The following PKD1L3 variants were observed in gnomAD, a reference collection of about 807,000 sequenced individuals.
PKD1L3 encodes polycystin 1 like 3, transient receptor potential channel interacting.
Under a neutral mutation model 184.1 loss-of-function variants are expected in PKD1L3, and 239 were observed. The ratio of observed to expected loss-of-function variants is 1.30; its 90% confidence interval spans 1.17 to 1.45. The LOEUF is 1.45. Ranked by LOEUF, PKD1L3 falls within the 40% of genes most tolerant of loss-of-function variation. The pLI, the probability that PKD1L3 is intolerant of heterozygous loss-of-function variation, is 0.00. For synonymous variants in PKD1L3, 996 were observed against 778.8 expected, an observed-to-expected ratio of 1.28 and a Z score of -4.64; for missense variants, 2,660 against 2,067.2, an observed-to-expected ratio of 1.29 and a Z score of -5.56.
At chr16:71,947,404 G>C in intron 22 of PKD1L3, 88 bp downstream of exon 22, 2 of 840,302 alleles carry the variant, frequency 2.4e-6, no homozygotes, top group Non-Finnish European at 1.9e-6. Flanking sequence ...CAAGTCCTTT[G>C]AATGGGTTAA....
At position 71,973,402 on chromosome 16, in the gene PKD1L3, C is replaced by T. The variant is rs1567531325; in HGVS notation, c.1875G>A (p.Leu625=). The T allele has an allele frequency of 6.4e-7, 1 of 1,551,658 alleles. No homozygotes were observed. The highest frequency in any genetic ancestry group is 1.4e-5 in the African/African-American group (1 of 73,146). Residue 625 remains leucine, a synonymous_variant, in exon 12 of 30, where the codon TTG becomes TTA. Transcript: ENST00000620267. ...RQEGAQQTPS[L]VSVITAVTQC... is the part of the protein sequence containing the mutation. ...GAGTGACGGCGGTGATGACCGAGAC[C>T]AAGCTGGGTGTCTGCTGAGCACCCT...
At chr16:71,980,587 A>C (rs1472566950) in intron 7 of PKD1L3, among the ~76,000 whole-genome samples, 3 of 152,068 alleles carry the variant, frequency 2.0e-5, no homozygotes, top group East Asian at 3.9e-4. Context: ...TAATCCCAAC[A>C]CTTTGGGAGG....
intron 12 of PKD1L3, among the ~76,000 whole-genome samples, chr16:71,972,720 A>G (rs1433291908): frequency 6.6e-6 from 1 of 152,152 alleles, no homozygotes; most frequent in Non-Finnish European, 1.5e-5. Flanking sequence ...TCTCTTTCCA[A>G]TCTAGATGGC....
At chr16:71,978,784 C>G (rs915291229) in intron 9 of PKD1L3, among the ~76,000 whole-genome samples, 2 of 151,994 alleles carry the variant, frequency 1.3e-5, no homozygotes, top group African/African-American at 4.8e-5. Flanking sequence ...AAGTAATCCA[C>G]CTGCCTCAGC....
chr16:71,947,254 T>C (rs999921110), intron 22 of PKD1L3, among the ~76,000 whole-genome samples: 3 of 151,814 alleles, frequency 2.0e-5, no homozygotes, highest in African/African-American at 7.3e-5. Context: ...TGAAACTCCG[T>C]CTCAAAAAAA....
intron 29 of PKD1L3, 187 bp from the exon 30 acceptor site, chr16:71,929,865 C>A: frequency 1.0e-6 from 1 of 965,756 alleles, no homozygotes; most frequent in Non-Finnish European, 1.5e-6. Context: ...AGGACAATGG[C>A]TATAGAATAT....
At chr16:71,932,453 T>G (rs1038603126) in intron 28 of PKD1L3, among the ~76,000 whole-genome samples, 1 of 152,106 alleles carries the variant, frequency 6.6e-6, no homozygotes, top group East Asian at 1.9e-4. Flanking sequence ...AACTGTACCT[T>G]CCTAATTCTT....
intron 13 of PKD1L3, among the ~76,000 whole-genome samples, chr16:71,968,715 C>T (rs915554618): frequency 6.6e-6 from 1 of 152,030 alleles, no homozygotes; most frequent in Non-Finnish European, 1.5e-5. Flanking sequence ...CCCACCTCAG[C>T]CTCCTGAGTA....
At chr16:71,936,105 A>G (rs1463527521) in intron 25 of PKD1L3, among the ~76,000 whole-genome samples, 1 of 150,496 alleles carries the variant, frequency 6.6e-6, no homozygotes, top group Non-Finnish European at 1.5e-5. Flanking sequence ...AAAAATTTCT[A>G]AATTAGTTAT....
In PKD1L3 at chr16:71,951,545, G is replaced by C. The variant is rs1380241491; in HGVS notation, c.3190+19C>G. 1 of 1,537,328 alleles carries C rather than the reference G, an allele frequency of 6.5e-7. No homozygotes were observed. Among genetic ancestry groups the C allele is most frequent in the Non-Finnish European group, 8.8e-7 (1 of 1,139,244 alleles). On this transcript the variant is annotated intron_variant, in intron 19 of 29. Transcript: ENST00000620267. ...GGAGGCAGATGGAAGATTCGTTACT[G>C]AAATCTACTGAAGTTTACCACGTGC...
intron 4 of PKD1L3, among the ~76,000 whole-genome samples, chr16:71,989,751 C>A (rs536317168): frequency 6.6e-6 from 1 of 152,304 alleles, no homozygotes; most frequent in African/African-American, 2.4e-5. Context: ...TTGATAATTA[C>A]ATCAGCATGA....
chr16:71,951,428 C>T (rs2038829627), intron 19 of PKD1L3, 136 bp downstream of exon 19: 3 of 851,238 alleles, frequency 3.5e-6, no homozygotes, highest in Non-Finnish European at 5.4e-6. Context: ...CAACTCTATA[C>T]TAGAAGCTTA....
chr16:71,944,919 G>A (rs922892587), intron 22 of PKD1L3, among the ~76,000 whole-genome samples: 3 of 150,428 alleles, frequency 2.0e-5, no homozygotes, highest in East Asian at 2.0e-4. Flanking sequence ...GGCTGATCTC[G>A]AACTCCTACC....
chr16:71,931,096 GT>G (rs923098777), intron 28 of PKD1L3: 3 of 151,934 alleles, frequency 2.0e-5, no homozygotes, highest in African/African-American at 7.2e-5. Flanking sequence ...TGCTCTATTT[GT>G]TTTTTAATGT....
intron 1 of PKD1L3, among the ~76,000 whole-genome samples, 176 bp downstream of exon 1, chr16:71,999,508 C>T (rs1442981740): frequency 1.3e-5 from 2 of 151,916 alleles, no homozygotes; most frequent in Non-Finnish European, 2.9e-5. Flanking sequence ...TGCTAACAGA[C>T]AAATCAAAGG....
At chr16:71,994,943 A>C (rs904223211) in intron 2 of PKD1L3, among the ~76,000 whole-genome samples, 1 of 152,122 alleles carries the variant, frequency 6.6e-6, no homozygotes, top group South Asian at 2.1e-4. Context: ...AGCCAAGATC[A>C]CGCCATTACA....
In PKD1L3 at chr16:71,962,482, G is replaced by A. The variant is rs1419734451; in HGVS notation, c.2612+723C>T. 2.0e-5 allele frequency among the ~76,000 whole-genome samples: 3 copies of A among 152,006 alleles called. No homozygotes were observed. The East Asian group carries it at 5.8e-4, about 29-fold the overall frequency. ...CCAGTACATTGCTTTAATTATTTTG[G>A]TTTACTAACATCTTTGCATTTTTTG... On this transcript the variant is annotated intron_variant, in intron 16 of 29. Transcript: ENST00000620267.
chr16:71,987,404 T>TG (rs2040414970), intron 4 of PKD1L3, among the ~76,000 whole-genome samples: 1 of 150,950 alleles, frequency 6.6e-6, no homozygotes, highest in African/African-American at 2.4e-5. Flanking sequence ...GATGGAGTCT[T>TG]GCTCTGTTAC....
In PKD1L3 at chr16:71,935,426, C is replaced by T; in HGVS notation, c.4545G>A (p.Leu1515=). ...TSIILISFIL[L]GLDMKSISLH... The stretch of plus-strand genomic sequence containing the variant: ...GAGAAATACTCTTCATGTCAAGCCC[C>T]AGGAGGATGAAGCTAATGAGGATTA... Residue 1515 remains leucine, a synonymous_variant, in exon 26 of 30, where the codon CTG becomes CTA. Transcript: ENST00000620267. The T allele has an allele frequency of 6.4e-7, 1 of 1,552,014 alleles. No homozygotes were observed. Among genetic ancestry groups the T allele is most frequent in the African/African-American group, 1.4e-5 (1 of 73,158 alleles).
Sources: gnomAD v4.1 joint callset for allele counts (sites outside exome capture counted in the v4.1 genomes callset) on GRCh38, gnomAD v4.1.1 for gene constraint, MANE v1.5 for transcripts, NCBI Gene and HGNC (gene_info 2026-07-23, HGNC 2026-07-21) for gene names.